Variants in LMNA observed in about 807,000 individuals in gnomAD.
LMNA encodes lamin.
A neutral mutation model predicts 70.4 loss-of-function variants in LMNA; 20 were observed. The ratio of observed to expected loss-of-function variants is 0.28; its 90% confidence interval spans 0.20 to 0.41. The LOEUF (loss-of-function observed/expected upper bound fraction) is 0.41, where lower values mean the gene tolerates loss of function less well. Ranked by LOEUF, LMNA falls within the 10% of genes least tolerant of loss-of-function variation. LMNA has a pLI of 1.00. For synonymous variants in LMNA, 339 were observed against 372.8 expected (o/e 0.91, Z 1.04); for missense variants, 652 against 917.2 (o/e 0.71, Z 3.73).
chr1:156,096,444 T>C (rs1243562550), intron 3 of LMNA, among the ~76,000 whole-genome samples: 1 of 152,256 alleles, frequency 6.6e-6, no homozygotes, highest in African/African-American at 2.4e-5. Context: ...TGACATACTG[T>C]CTAGTACACA....
At position 156,139,079 on chromosome 1, in the gene LMNA, G is replaced by C; in HGVS notation, c.1969-1G>C. On this transcript the variant is annotated splice_acceptor_variant, in intron 11 of 11. Transcript: ENST00000368300. LOFTEE classifies it high-confidence loss of function. ...CCTCTCTCCTCTGTTTTCTCTCTTA[G>C]AGCCCCCAGAACTGCAGCATCATGT... The C allele has an allele frequency of 6.2e-7, 1 of 1,613,864 alleles. No homozygotes were observed. The highest frequency in any genetic ancestry group is 8.5e-7 in the Non-Finnish European group (1 of 1,179,906).
At chr1:156,089,999 G>T (rs1378450996) in intron 2 of LMNA, among the ~76,000 whole-genome samples, 2 of 152,154 alleles carry the variant, frequency 1.3e-5, no homozygotes, top group African/African-American at 2.4e-5. Flanking sequence ...GAGCTGCGGT[G>T]AGGGAGGGGG....
intron 1 of LMNA, among the ~76,000 whole-genome samples, chr1:156,118,724 A>C (rs1027476828): frequency 6.6e-6 from 1 of 151,980 alleles, no homozygotes; most frequent in African/African-American, 2.4e-5. Context: ...CATTTTCCCA[A>C]CCCCTCCCAC....
chr1:156,099,021 G>A (rs1051928431), intron 3 of LMNA, among the ~76,000 whole-genome samples: 9 of 152,172 alleles, frequency 5.9e-5, no homozygotes, highest in Admixed American at 1.3e-4. Context: ...GGGCAATTAG[G>A]AAGCTGCATC....
At position 156,115,297 on chromosome 1, in the gene LMNA, G is replaced by A. The variant is rs369377497; in HGVS notation, c.356+23G>A. 1.9e-6 allele frequency: 3 copies of A among 1,582,450 alleles called. No homozygotes were observed. Among genetic ancestry groups the A allele is most frequent in the Non-Finnish European group, 2.6e-6 (3 of 1,168,974 alleles). ...GCGGTGAGTTCGCCCAGGTGGCTGC[G>A]TGCCTGGCGGGGAGTGGAGAGGGCG... On this transcript the variant is annotated intron_variant, in intron 1 of 11. Transcript: ENST00000368300. The surrounding 1 kb of genome is among the most constrained non-coding windows in gnomAD (Gnocchi z 5.8).
At chr1:156,101,811 T>C (rs918587318) in intron 3 of LMNA, among the ~76,000 whole-genome samples, 3 of 152,058 alleles carry the variant, frequency 2.0e-5, no homozygotes, top group Admixed American at 6.6e-5. Context: ...AGGTAGAACA[T>C]AGAACAGATA....
chr1:156,138,705 A>G lies in LMNA; in HGVS notation c.1916A>G (p.Asp639Gly), dbSNP rs1572369800. Residue 639 changes from aspartate to glycine, a missense_variant, in exon 11 of 12, where the codon GAC becomes GGC. Transcript: ENST00000368300. The surrounding 1 kb of genome is among the most constrained non-coding windows in gnomAD (Gnocchi z 5.5). ...VGGSGGGSFG[D>G]NLVTRSYLLG... is the part of the protein sequence containing the mutation. ...GGCAGTGGGGGTGGCAGCTTCGGGG[A>G]CAATCTGGTCACCCGCTCCTACCTC... The G allele has an allele frequency of 6.2e-7, 1 of 1,613,304 alleles. No individual in the cohort carries two copies. Among genetic ancestry groups the G allele is most frequent in the Non-Finnish European group, 8.5e-7 (1 of 1,179,930 alleles).
At chr1:156,131,922 C>T (rs1651106695) in intron 2 of LMNA, among the ~76,000 whole-genome samples, 1 of 152,238 alleles carries the variant, frequency 6.6e-6, no homozygotes, top group Non-Finnish European at 1.5e-5. Context: ...ATAATCCCAG[C>T]ACTTTGGGAG....
At chr1:156,118,209 TC>T (rs553349241) in intron 1 of LMNA, among the ~76,000 whole-genome samples, 22 of 152,252 alleles carry the variant, frequency 1.4e-4, no homozygotes, top group Non-Finnish European at 2.8e-4. Flanking sequence ...CCCAGAGAAT[TC>T]GTTGCATTCT....
chr1:156,097,451 C>T (rs1293465019), intron 3 of LMNA, among the ~76,000 whole-genome samples: 1 of 152,250 alleles, frequency 6.6e-6, no homozygotes, highest in African/African-American at 2.4e-5. Context: ...GCGCTTTGCT[C>T]CACGCCGTAC....
intron 2 of LMNA, chr1:156,090,371 T>C (rs1223634238): frequency 6.6e-6 from 1 of 152,132 alleles, no homozygotes; most frequent in Non-Finnish European, 1.5e-5. Flanking sequence ...CATGCTTCCT[T>C]TTTCAGGAAA....
At position 156,139,599 on chromosome 1, in the gene LMNA, GA is replaced by G; in HGVS notation, c.*494del. 1 of 1,415,966 alleles carries G rather than the reference GA, an allele frequency of 7.1e-7. No individual in the cohort carries two copies. The highest frequency in any genetic ancestry group is 9.2e-7 in the Non-Finnish European group (1 of 1,092,092). 87.7% of individuals were successfully genotyped at this position (1,415,966 alleles called of 1,614,324 possible). A position where few individuals can be genotyped will look rare whatever the true frequency, so the allele number is the denominator to read the frequency against. On this transcript the variant is annotated 3_prime_UTR_variant, in exon 12 of 12. Transcript: ENST00000368300. ...CCAGCCTCCGAGAGGGAGAGAGAGA[GA>G]GAGAGGACAGCTTGAGCCGGGCCCC... is the stretch of plus-strand genomic sequence containing the variant.
At chr1:156,122,599 T>C (rs768830679) in intron 1 of LMNA, among the ~76,000 whole-genome samples, 1 of 152,196 alleles carries the variant, frequency 6.6e-6, no homozygotes, top group Non-Finnish European at 1.5e-5. Flanking sequence ...GGGCAACTCG[T>C]TTTCGATGCC....
intron 3 of LMNA, among the ~76,000 whole-genome samples, chr1:156,104,763 A>C (rs138487552): frequency 8.4e-4 from 128 of 152,258 alleles, no homozygotes; most frequent in African/African-American, 2.9e-3. Context: ...TTCCTCCAAC[A>C]GGAAACACAC....
At chr1:156,130,966 C>G (rs1231507642) in intron 2 of LMNA, among the ~76,000 whole-genome samples, 193 bp downstream of exon 2, 1 of 152,190 alleles carries the variant, frequency 6.6e-6, no homozygotes, top group African/African-American at 2.4e-5. Flanking sequence ...GGATCTACCA[C>G]AGTGAATTTA....
At position 156,135,459 on chromosome 1, in the gene LMNA, T is replaced by C; in HGVS notation, c.936+147T>C. 1 of 1,042,930 alleles carries C rather than the reference T, an allele frequency of 9.6e-7. No homozygotes were observed. Among genetic ancestry groups the C allele is most frequent in the Non-Finnish European group, 1.4e-6 (1 of 701,392 alleles). 64.6% of individuals were successfully genotyped at this position (1,042,930 alleles called of 1,614,324 possible). A position where few individuals can be genotyped will look rare whatever the true frequency, so the allele number is the denominator to read the frequency against. On this transcript the variant is annotated intron_variant, in intron 5 of 11. Transcript: ENST00000368300. The surrounding 1 kb of genome is among the most constrained non-coding windows in gnomAD (Gnocchi z 4.8). Reference sequence around the variant, plus strand: ...GTGTCCCCACAACCACAGAGAAGGGTCGCAGGATGTGGAGTCAGATGGCCT... The same window carrying C: ...GTGTCCCCACAACCACAGAGAAGGGCCGCAGGATGTGGAGTCAGATGGCCT...
chr1:156,097,866 C>T (rs1432727048), intron 3 of LMNA, among the ~76,000 whole-genome samples: 1 of 152,220 alleles, frequency 6.6e-6, no homozygotes, highest in African/African-American at 2.4e-5. Flanking sequence ...GCCCCAGTTC[C>T]AGTCCATCCA....
At chr1:156,129,377 T>C (rs1359093552) in intron 1 of LMNA, among the ~76,000 whole-genome samples, 1 of 152,222 alleles carries the variant, frequency 6.6e-6, no homozygotes, top group African/African-American at 2.4e-5. Flanking sequence ...CTTCTGCAAA[T>C]CTAGCCTTCC....
upstream of LMNA, among the ~76,000 whole-genome samples, chr1:156,112,997 TAGAG>T (rs1216609135): frequency 1.3e-5 from 2 of 151,986 alleles, no homozygotes; most frequent in Admixed American, 6.6e-5. Context: ...TGTCACCTCT[TAGAG>T]AGGATAAGGT....
Sources: allele counts gnomAD v4.1 joint callset (sites outside exome capture counted in the v4.1 genomes callset), GRCh38; gene constraint gnomAD v4.1.1; non-coding constraint Gnocchi (gnomAD v3.1); transcripts MANE v1.5; gene names NCBI Gene and HGNC (gene_info 2026-07-23, HGNC 2026-07-21).